The following PACRGL variants were observed in gnomAD, a reference collection of about 807,000 sequenced individuals.
The protein encoded by PACRGL is parkin coregulated like.
In PACRGL, 38 loss-of-function variants were observed where a neutral mutation model predicts 34.5. That is an observed-to-expected ratio of 1.10 (90% CI 0.85 to 1.44). The LOEUF (loss-of-function observed/expected upper bound fraction) is 1.44, where lower values mean the gene tolerates loss of function less well. PACRGL is among the 40% of genes most tolerant of loss of function. The pLI is 0.00. For missense variants in PACRGL, 305 were observed against 281.4 expected, an observed-to-expected ratio of 1.08 and a Z score of -0.60; for synonymous variants, 128 against 100.1, an observed-to-expected ratio of 1.28 and a Z score of -1.66.
chr4:20,729,447 C>CATATGCTGATATCTGATAA lies in PACRGL; in HGVS notation c.*2107_*2125dup, dbSNP rs1747218680. 7.2e-6 allele frequency: 1 copy of CATATGCTGATATCTGATAA among 139,568 alleles called. No individual in the cohort carries two copies. Among genetic ancestry groups the CATATGCTGATATCTGATAA allele is most frequent in the African/African-American group, 2.6e-5 (1 of 38,094 alleles). 8.6% of individuals were successfully genotyped at this position (139,568 alleles called of 1,614,324 possible). ...GCTTATTAAAATAAGTTTTATTAGG[C>CATATGCTGATATCTGATAA]ATATGCTGATATCTGATAATAAACT... On this transcript the variant is annotated 3_prime_UTR_variant, in exon 9 of 9. Transcript: ENST00000503585.
At position 20,713,961 on chromosome 4, in the gene PACRGL, A is replaced by G. The variant is rs541601560; in HGVS notation, c.609+422A>G. 4.1e-3 allele frequency among the ~76,000 whole-genome samples: 626 copies of G among 152,176 alleles called. 8 individuals are homozygous for G. Among genetic ancestry groups the G allele is most frequent in the African/African-American group, 0.014 (590 of 41,516 alleles). ...GATAGGTGTGGTGTGGTGCTGAAAA[A>G]AATGTATATTCTGTTGATTTGGGGT... On this transcript the variant is annotated intron_variant, in intron 7 of 8. Transcript: ENST00000503585.
intron 7 of PACRGL, among the ~76,000 whole-genome samples, chr4:20,715,079 G>C (rs1448350947): frequency 2.0e-5 from 3 of 152,166 alleles, no homozygotes; most frequent in African/African-American, 7.2e-5. Context: ...ACACACCATG[G>C]AATACTATGT....
chr4:20,749,829 AAC>A, intron 8 of PACRGL: 3 of 699,438 alleles, frequency 4.3e-6, no homozygotes, highest in Middle Eastern at 2.5e-4. Flanking sequence ...CAGAAGAATT[AAC>A]TCTGCCTCCT....
intron 8 of PACRGL, among the ~76,000 whole-genome samples, chr4:20,748,344 G>A (rs535493993): frequency 6.6e-6 from 1 of 151,904 alleles, no homozygotes; most frequent in South Asian, 2.1e-4. Flanking sequence ...CCCATTCCAA[G>A]CCTTTGTTCT....
At chr4:20,704,374 T>G in intron 1 of PACRGL, 92 bp from the exon 2 acceptor site, 1 of 1,173,622 alleles carries the variant, frequency 8.5e-7, no homozygotes, top group Non-Finnish European at 1.2e-6. Context: ...TTTTACTGTA[T>G]TGTATACTCT....
At chr4:20,744,369 T>A (rs200154439) in intron 8 of PACRGL, among the ~76,000 whole-genome samples, 28 of 152,244 alleles carry the variant, frequency 1.8e-4, no homozygotes, top group Admixed American at 1.6e-3. Context: ...CAAATGTCCA[T>A]CAATGATAGA....
At chr4:20,726,216 G>T (rs1412185391) in intron 8 of PACRGL, among the ~76,000 whole-genome samples, 2 of 152,102 alleles carry the variant, frequency 1.3e-5, no homozygotes, top group Non-Finnish European at 2.9e-5. Flanking sequence ...TTTAGAAACG[G>T]CACATTAAGA....
At chr4:20,748,520 A>G (rs921995113) in intron 8 of PACRGL, among the ~76,000 whole-genome samples, 44 of 146,386 alleles carry the variant, frequency 3.0e-4, no homozygotes, top group Admixed American at 1.7e-3. Flanking sequence ...TTTAAGATGC[A>G]TCCTTCCTCA....
chr4:20,735,340 A>C (rs1304116538), downstream of PACRGL, among the ~76,000 whole-genome samples: 1 of 152,090 alleles, frequency 6.6e-6, no homozygotes, highest in African/African-American at 2.4e-5. Flanking sequence ...AAATGGAGCT[A>C]ATAATAGTAT....
intron 4 of PACRGL, among the ~76,000 whole-genome samples, 165 bp downstream of exon 4, chr4:20,708,035 T>TTGGACTGGTATAGAATG (rs1361834376): frequency 6.6e-6 from 1 of 152,226 alleles, no homozygotes; most frequent in Non-Finnish European, 1.5e-5. Flanking sequence ...TCCTGGATGT[T>TTGGACTGGTATAGAATG]GTTGAAGAAA....
At chr4:20,723,711 C>T (rs1744431410) in intron 7 of PACRGL, among the ~76,000 whole-genome samples, 1 of 152,182 alleles carries the variant, frequency 6.6e-6, no homozygotes, top group African/African-American at 2.4e-5. Context: ...TGCATTCCTC[C>T]TCAGAGCTCT....
intron 8 of PACRGL, among the ~76,000 whole-genome samples, chr4:20,746,799 T>C (rs1300289377): frequency 3.3e-5 from 5 of 152,168 alleles, no homozygotes; most frequent in Non-Finnish European, 7.3e-5. Flanking sequence ...CTATCATATT[T>C]CTTCTGCCTT....
At position 20,732,280 on chromosome 4, in the gene PACRGL, G is replaced by A. The variant is rs1748499868; in HGVS notation, c.*4939G>A. On this transcript the variant is annotated 3_prime_UTR_variant, in exon 9 of 9. Transcript: ENST00000503585. The stretch of plus-strand genomic sequence containing the variant: ...TTTTCCCTTTTCAATATAATGTGGT[G>A]AAGATGTAGAGTCACTCTGTCCTAG... Among the ~76,000 whole-genome samples the A allele has an allele frequency of 6.6e-6, 1 of 152,194 alleles. No homozygotes were observed. The highest frequency in any genetic ancestry group is 2.4e-5 in the African/African-American group (1 of 41,450).
the PACRGL span, among the ~76,000 whole-genome samples, chr4:20,761,233 T>A: frequency 6.6e-6 from 1 of 152,150 alleles, no homozygotes; most frequent in East Asian, 1.9e-4. Context: ...CCAGACCCCT[T>A]CATTAGATAT....
chr4:20,697,566 ACCTAGAGATAGTAG>A (rs1362048478), upstream of PACRGL, among the ~76,000 whole-genome samples: 1 of 152,230 alleles, frequency 6.6e-6, no homozygotes, highest in African/African-American at 2.4e-5. Flanking sequence ...CAGTGCAGTA[ACCTAGAGATAGTAG>A]CCTCTGAGAT....
intron 3 of PACRGL, among the ~76,000 whole-genome samples, chr4:20,705,268 A>G (rs1349859882): frequency 6.6e-6 from 1 of 152,186 alleles, no homozygotes; most frequent in African/African-American, 2.4e-5. Context: ...ATGAGATTTA[A>G]TAAACATGGG....
chr4:20,732,651 T>A, downstream of PACRGL: 1 of 1,411,630 alleles, frequency 7.1e-7, no homozygotes, highest in Non-Finnish European at 1.0e-6. Flanking sequence ...CCTAACTTCA[T>A]GCCCTCTTGA....
In PACRGL at chr4:20,729,471, C is replaced by T. The variant is rs1468379037; in HGVS notation, c.*2130C>T. The T allele has an allele frequency of 1.3e-5, 2 of 151,228 alleles. No homozygotes were observed. Among genetic ancestry groups the T allele is most frequent in the Non-Finnish European group, 2.9e-5 (2 of 67,852 alleles). The allele number at this position is 151,228 out of a possible 1,614,324, so 9.4% of individuals were successfully genotyped here. A position where few individuals can be genotyped will look rare whatever the true frequency, so the allele number is the denominator to read the frequency against. On this transcript the variant is annotated 3_prime_UTR_variant, in exon 9 of 9. Transcript: ENST00000503585. Reference sequence around the variant, plus strand: ...GCATATGCTGATATCTGATAATAAACTAATTTTTAAATGTTTAATAATTTT... The same window carrying T: ...GCATATGCTGATATCTGATAATAAATTAATTTTTAAATGTTTAATAATTTT...
chr4:20,729,956 A>G lies in PACRGL; in HGVS notation c.*2615A>G, dbSNP rs1747549349. On this transcript the variant is annotated 3_prime_UTR_variant, in exon 9 of 9. Transcript: ENST00000503585. ...TTTGGGGATTGCTTTATATTAAAAC[A>G]AAGCTTGTTTGCATAATATGCTTCA... The G allele has an allele frequency of 1.7e-6, 2 of 1,150,136 alleles. No homozygotes were observed. The highest frequency in any genetic ancestry group is 1.6e-5 in the African/African-American group (1 of 63,318). The allele number at this position is 1,150,136 out of a possible 1,614,324, so 71.2% of individuals were successfully genotyped here.
Sources: gnomAD v4.1 joint callset for allele counts (sites outside exome capture counted in the v4.1 genomes callset) on GRCh38, gnomAD v4.1.1 for gene constraint, MANE v1.5 for transcripts, NCBI Gene and HGNC (gene_info 2026-07-23, HGNC 2026-07-21) for gene names.